TP53INP2: variants seen among roughly 807,000 people sequenced by gnomAD.
TP53INP2 encodes tumor protein p53-inducible nuclear protein 2.
Under a neutral mutation model 17.1 loss-of-function variants are expected in TP53INP2, and 12 were observed. The ratio of observed to expected loss-of-function variants is 0.70; its 90% CI spans 0.45 to 1.14. TP53INP2 has a LOEUF of 1.14. Ranked by LOEUF, TP53INP2 falls within the 50% of genes most tolerant of loss-of-function variation. The probability of loss-of-function intolerance (pLI) is 0.00; values close to 1 mark genes in which losing one functional copy is unlikely to be tolerated. For synonymous variants in TP53INP2, 145 were observed against 147.3 expected (o/e 0.98, Z 0.12); for missense variants, 342 against 330.9 (o/e 1.03, Z -0.26).
In TP53INP2 at chr20:34,713,122, G is replaced by T. The variant is rs1400366136; in HGVS notation, c.*2815G>T. 6.6e-6 allele frequency: 1 copy of T among 152,542 alleles called. No individual in the cohort carries two copies. Among genetic ancestry groups the T allele is most frequent in the African/African-American group, 2.4e-5 (1 of 41,444 alleles). The allele number at this position is 152,542 out of a possible 1,614,324, so 9.4% of individuals were successfully genotyped here. On this transcript the variant is annotated 3_prime_UTR_variant, in exon 5 of 5. Transcript: ENST00000374810. ...CCCCCCTAGATCCATGTGGCTTTAT[G>T]TGAGGGGACTGAATGCAGACACACC... is the stretch of plus-strand genomic sequence containing the variant.
At position 34,712,279 on chromosome 20, in the gene TP53INP2, A is replaced by C. The variant is rs1015442575; in HGVS notation, c.*1972A>C. The C allele has an allele frequency of 6.6e-6, 1 of 152,210 alleles. No individual in the cohort carries two copies. The highest frequency in any genetic ancestry group is 1.5e-5 in the Non-Finnish European group (1 of 67,960). 9.4% of individuals were successfully genotyped at this position (152,210 alleles called of 1,614,324 possible). A position where few individuals can be genotyped will look rare whatever the true frequency, so the allele number is the denominator to read the frequency against. ...CCTCCAAGAGCTGAATCTCCCTCCA[A>C]CCCTTCTTGCCTACTCCTCACTGCC... On this transcript the variant is annotated 3_prime_UTR_variant, in exon 5 of 5. Coordinates refer to ENST00000374810, the MANE Select transcript of TP53INP2 (RefSeq NM_021202.3).
chr20:34,711,288 C>CT lies in TP53INP2; in HGVS notation c.*982dup, dbSNP rs1267810927. 3 of 152,896 alleles carry CT rather than the reference C, an allele frequency of 2.0e-5. No homozygotes were observed. The highest frequency in any genetic ancestry group is 7.2e-5 in the African/African-American group (3 of 41,454). 9.5% of individuals were successfully genotyped at this position (152,896 alleles called of 1,614,324 possible). On this transcript the variant is annotated 3_prime_UTR_variant, in exon 5 of 5. Transcript: ENST00000374810. The surrounding 1 kb of genome is among the most constrained non-coding windows in gnomAD (Gnocchi z 4.1). The stretch of plus-strand genomic sequence containing the variant: ...GCCGTCTGTTCACAAGCCCAAGGTG[C>CT]TAGAACTAGCTTAGGAGACATGCAG...
chr20:34,710,538 A>C lies in TP53INP2; in HGVS notation c.*231A>C. 5.1e-6 allele frequency: 2 copies of C among 389,612 alleles called. No individual in the cohort carries two copies. The highest frequency in any genetic ancestry group is 4.6e-5 in the Admixed American group (1 of 21,550). 24.1% of individuals were successfully genotyped at this position (389,612 alleles called of 1,614,324 possible). On this transcript the variant is annotated 3_prime_UTR_variant, in exon 5 of 5. Transcript: ENST00000374810. This position sits in a 1 kb window ranked among gnomAD's most constrained non-coding sequence, Gnocchi z 4.9. ...CCCCATACCCAGCATCTAATCATCC[A>C]TGCCCCCTACTCCTGGCCCCTCCAT...
rs886882163 is a variant in TP53INP2, at chr20:34,710,978, G to C, written c.*671G>C. ...AGGACTGTGAGACGTGAGTTAGAGGGAGAAGATGGAGGGAATCTAGGGAAC... is the reference window on the plus strand; with the variant it reads ...AGGACTGTGAGACGTGAGTTAGAGGCAGAAGATGGAGGGAATCTAGGGAAC... On this transcript the variant is annotated 3_prime_UTR_variant, in exon 5 of 5. Transcript: ENST00000374810. The surrounding 1 kb of genome is among the most constrained non-coding windows in gnomAD (Gnocchi z 4.9). 3.3e-5 allele frequency: 5 copies of C among 152,838 alleles called. No homozygotes were observed. The highest frequency in any genetic ancestry group is 1.2e-4 in the African/African-American group (5 of 41,472). 9.5% of individuals were successfully genotyped at this position (152,838 alleles called of 1,614,324 possible).
In TP53INP2 at chr20:34,710,261, A is replaced by G; in HGVS notation, c.617A>G (p.Gln206Arg). Residue 206 changes from glutamine to arginine, a missense_variant, in exon 5 of 5, where the codon CAG (glutamine) becomes CGG (arginine). By Grantham distance (43) the Gln-to-Arg change is conservative. Transcript: ENST00000374810. The surrounding 1 kb of genome is among the most constrained non-coding windows in gnomAD (Gnocchi z 4.9). ...RESRPRRSKN[Q>R]SSFIYQPCQR... The stretch of plus-strand genomic sequence containing the variant: ...AGCCGTCCGCGCCGGTCCAAGAACC[A>G]GAGCAGCTTCATCTACCAGCCGTGC... 1 of 1,462,160 alleles carries G rather than the reference A, an allele frequency of 6.8e-7. No individual in the cohort carries two copies. The highest frequency in any genetic ancestry group is 1.4e-5 in the South Asian group (1 of 71,838). 90.6% of individuals were successfully genotyped at this position (1,462,160 alleles called of 1,614,324 possible). A position where few individuals can be genotyped will look rare whatever the true frequency, so the allele number is the denominator to read the frequency against.
rs765750486 is a variant in TP53INP2 at position 34,710,009 on chromosome 20, C to CCA, written c.414-48_414-47insAC. ...TGGGAGATGGCAGCGCCCTCTAGACCCCCCGCCCAGCTTACCCGGCTTGAC... is the reference window on the plus strand; with the variant it reads ...TGGGAGATGGCAGCGCCCTCTAGACCCACCCCGCCCAGCTTACCCGGCTTGAC... On this transcript the variant is annotated intron_variant, in intron 4 of 4. Transcript: ENST00000374810. The surrounding 1 kb of genome is among the most constrained non-coding windows in gnomAD (Gnocchi z 4.9). The CCA allele has an allele frequency of 1.7e-5, 22 of 1,268,932 alleles. 2 individuals carry two copies. The South Asian group carries it at 4.4e-4, about 25-fold the overall frequency. 78.6% of individuals were successfully genotyped at this position (1,268,932 alleles called of 1,614,324 possible).
At position 34,709,920 on chromosome 20, in the gene TP53INP2, T is replaced by C; in HGVS notation, c.414-138T>C. ...AACCGAGGAGGCACCTCCGGGTTGG[T>C]ACCCACAAGAAGGGCGTCGGGCACC... On this transcript the variant is annotated intron_variant, in intron 4 of 4. Coordinates refer to ENST00000374810, the MANE Select transcript of TP53INP2 (RefSeq NM_021202.3). The surrounding 1 kb of genome is among the most constrained non-coding windows in gnomAD (Gnocchi z 5.4). 9.0e-7 allele frequency: 1 copy of C among 1,114,632 alleles called. No homozygotes were observed. The highest frequency in any genetic ancestry group is 1.2e-6 in the Non-Finnish European group (1 of 848,354). The allele number at this position is 1,114,632 out of a possible 1,614,324, so 69.0% of individuals were successfully genotyped here.
rs116277169 is a variant in TP53INP2 at position 34,709,693 on chromosome 20, G to A, written c.413+169G>A. ...CAAAGTGGGGGGCCGGTGGGCCTCC[G>A]GGCGAGGCTAGAAGCGGGCCTGAGG... On this transcript the variant is annotated intron_variant, in intron 4 of 4. Transcript: ENST00000374810. The surrounding 1 kb of genome is among the most constrained non-coding windows in gnomAD (Gnocchi z 5.4). 0.073 allele frequency among the ~76,000 whole-genome samples: 11,177 copies of A among 152,110 alleles called. 1,362 individuals are homozygous for A. Among genetic ancestry groups the A allele is most frequent in the African/African-American group, 0.26 (10,629 of 41,456 alleles).
chr20:34,707,151 T>G (rs1487979980), intron 2 of TP53INP2, among the ~76,000 whole-genome samples: 2 of 152,186 alleles, frequency 1.3e-5, no homozygotes, highest in African/African-American at 4.8e-5. Flanking sequence ...TCCTGGGAAC[T>G]GACAGCTCCC....
At chr20:34,708,120 ACTC>A (rs1988042295) in intron 2 of TP53INP2, among the ~76,000 whole-genome samples, 1 of 151,886 alleles carries the variant, frequency 6.6e-6, no homozygotes, top group South Asian at 2.1e-4. Context: ...TGCCTGGAGA[ACTC>A]CTATTTACTC....
rs1373465059 is a variant in TP53INP2, at chr20:34,712,591, A to G, written c.*2284A>G. ...AGTCTCCTGCTAGTCTGACTCCTGA[A>G]GCATCAGCCCTTGTCATACTGTATT... On this transcript the variant is annotated 3_prime_UTR_variant, in exon 5 of 5. Transcript: ENST00000374810. The G allele has an allele frequency of 6.6e-6, 1 of 152,614 alleles. No homozygotes were observed. Among genetic ancestry groups the G allele is most frequent in the Non-Finnish European group, 1.5e-5 (1 of 68,054 alleles). 9.5% of individuals were successfully genotyped at this position (152,614 alleles called of 1,614,324 possible).
rs548891042 is a variant in TP53INP2, at chr20:34,710,239, C to T, written c.595C>T (p.Arg199Cys). 2.1e-5 allele frequency: 31 copies of T among 1,481,400 alleles called. No individual in the cohort carries two copies. The East Asian group carries it at 7.0e-4, about 33-fold the overall frequency. 91.8% of individuals were successfully genotyped at this position (1,481,400 alleles called of 1,614,324 possible). ...VQRQNRARESRPRRSKNQSSF... is the reference protein window; with the variant it reads ...VQRQNRARESCPRRSKNQSSF... The stretch of plus-strand genomic sequence containing the variant: ...GCGGCAGAACCGAGCCCGCGAGAGC[C>T]GTCCGCGCCGGTCCAAGAACCAGAG... Residue 199 changes from arginine to cysteine, a missense_variant, in exon 5 of 5, where the codon CGT becomes TGT. Coordinates refer to ENST00000374810, the MANE Select transcript of TP53INP2 (RefSeq NM_021202.3). This position sits in a 1 kb window ranked among gnomAD's most constrained non-coding sequence, Gnocchi z 4.9.
chr20:34,704,838 A>C (rs569810892), intron 1 of TP53INP2: 1 of 152,380 alleles, frequency 6.6e-6, no homozygotes, highest in African/African-American at 2.4e-5. Flanking sequence ...AGGCTTATCC[A>C]GGGGCTGGGG....
At position 34,708,703 on chromosome 20, in the gene TP53INP2, C is replaced by T. The variant is rs1236929771; in HGVS notation, c.-37C>T. 1 of 1,549,762 alleles carries T rather than the reference C, an allele frequency of 6.5e-7. No individual in the cohort carries two copies. The highest frequency in any genetic ancestry group is 8.7e-7 in the Non-Finnish European group (1 of 1,150,142). Reference sequence around the variant, plus strand: ...TTCTGATTCCCAGGTTTTTGCACTGCCATAGGGCGCCCCCGTGAGGCGCTT... The same window carrying T: ...TTCTGATTCCCAGGTTTTTGCACTGTCATAGGGCGCCCCCGTGAGGCGCTT... On this transcript the variant is annotated 5_prime_UTR_variant, in exon 3 of 5. Transcript: ENST00000374810.
chr20:34,709,165 GTGT>G lies in TP53INP2; in HGVS notation c.125-70_125-68del. On this transcript the variant is annotated intron_variant, in intron 3 of 4. Transcript: ENST00000374810. The surrounding 1 kb of genome is among the most constrained non-coding windows in gnomAD (Gnocchi z 5.4). ...CTCTCCCCGCCCCCTTGTCCGGTGT[GTGT>G]GTGTGTGTGTGTGTGTGCCTCCTCG... 2.9e-6 allele frequency: 1 copy of G among 350,798 alleles called. No homozygotes were observed. The highest frequency in any genetic ancestry group is 3.7e-6 in the Non-Finnish European group (1 of 269,506). The allele number at this position is 350,798 out of a possible 1,614,324, so 21.7% of individuals were successfully genotyped here.
Position 34,709,992 on chromosome 20 carries a change from G to T in TP53INP2, c.414-66G>T. The T allele has an allele frequency of 8.3e-7, 1 of 1,204,340 alleles. No individual in the cohort carries two copies. The highest frequency in any genetic ancestry group is 2.9e-5 in the South Asian group (1 of 34,896). 74.6% of individuals were successfully genotyped at this position (1,204,340 alleles called of 1,614,324 possible). On this transcript the variant is annotated intron_variant, in intron 4 of 4. Transcript: ENST00000374810. This position sits in a 1 kb window ranked among gnomAD's most constrained non-coding sequence, Gnocchi z 5.4. ...CTGAGCCGAAGCAAGGGTGGGAGAT[G>T]GCAGCGCCCTCTAGACCCCCCGCCC...
intron 2 of TP53INP2, among the ~76,000 whole-genome samples, chr20:34,705,932 G>A (rs1987997586): frequency 6.6e-6 from 1 of 152,146 alleles, no homozygotes; most frequent in South Asian, 2.1e-4. Context: ...GTCAGGAGAG[G>A]GGGCAGGCAC....
In TP53INP2 at chr20:34,708,708, G is replaced by A. The variant is rs1446174293; in HGVS notation, c.-32G>A. 6.4e-7 allele frequency: 1 copy of A among 1,553,778 alleles called. No homozygotes were observed. Among genetic ancestry groups the A allele is most frequent in the South Asian group, 1.2e-5 (1 of 84,944 alleles). On this transcript the variant is annotated 5_prime_UTR_variant, in exon 3 of 5. Transcript: ENST00000374810. The stretch of plus-strand genomic sequence containing the variant: ...ATTCCCAGGTTTTTGCACTGCCATA[G>A]GGCGCCCCCGTGAGGCGCTTCGCCC...
In TP53INP2 at chr20:34,709,160, GGTGTGT is replaced by G. The variant is rs72441151; in HGVS notation, c.125-56_125-51del. On this transcript the variant is annotated intron_variant, in intron 3 of 4. Transcript: ENST00000374810. The surrounding 1 kb of genome is among the most constrained non-coding windows in gnomAD (Gnocchi z 5.4). ...CCTTTCTCTCCCCGCCCCCTTGTCCGGTGTGTGTGTGTGTGTGTGTGTGTGCCTCCT... is the reference window on the plus strand; with the variant it reads ...CCTTTCTCTCCCCGCCCCCTTGTCCGGTGTGTGTGTGTGTGTGTGCCTCCT... 9,895 of 1,025,736 alleles carry G rather than the reference GGTGTGT, an allele frequency of 9.6e-3. 1 individual carries two copies. The highest frequency in any genetic ancestry group is 0.021 in the Admixed American group (594 of 28,752). The allele number at this position is 1,025,736 out of a possible 1,614,324, so 63.5% of individuals were successfully genotyped here.
Sources: gnomAD v4.1 joint callset for allele counts (sites outside exome capture counted in the v4.1 genomes callset) on GRCh38, gnomAD v4.1.1 for gene constraint, Gnocchi (gnomAD v3.1) non-coding constraint, MANE v1.5 for transcripts, NCBI Gene and HGNC (gene_info 2026-07-23, HGNC 2026-07-21) for gene names.